Variants in ABCA4 observed in about 807,000 individuals in gnomAD.
ABCA4 encodes retinal-specific phospholipid-transporting ATPase ABCA4.
ABCA4 carries 196 observed loss-of-function variants against 263.7 expected under a neutral mutation model. That is an observed-to-expected ratio of 0.74 (90% CI 0.66 to 0.84). The LOEUF is 0.84. Ranked by LOEUF, ABCA4 falls within the 40% of genes least tolerant of loss-of-function variation. The pLI is 0.00. For synonymous variants in ABCA4, 1,133 were observed against 1,094.2 expected, an observed-to-expected ratio of 1.04 and a Z score of -0.70; for missense variants, 2,792 against 2,855.1, an observed-to-expected ratio of 0.98 and a Z score of 0.50.
rs775951957 is a variant in ABCA4, at chr1:94,047,041, C to A, written c.2796G>T (p.Lys932Asn). The change falls in exon 19 of 50, where the codon AAG becomes AAT. Residue 932 changes from lysine to asparagine, a missense_variant. Physicochemically the swap from Lys to Asn is moderately conservative, Grantham distance 94. Transcript: ENST00000370225. ...HPGWVPGVCV[K>N]NLVKIFEPCG... ...AGGGCTCAAAAATCTTTACCAGATT[C>A]TTCACGCATACCCCAGGAACCCACC... 8 of 1,614,168 alleles carry A rather than the reference C, an allele frequency of 5.0e-6. No homozygotes were observed. The highest frequency in any genetic ancestry group is 2.2e-5 in the East Asian group (1 of 44,880).
chr1:94,056,934 G>A (rs146194404), intron 14 of ABCA4, 112 bp from the exon 15 acceptor site: 85 of 884,840 alleles, frequency 9.6e-5, no homozygotes, highest in Middle Eastern at 3.1e-4. Flanking sequence ...AAATTTCTAC[G>A]CACACTCCAT....
chr1:94,108,533 T>C lies in ABCA4; in HGVS notation c.442+44A>G, dbSNP rs763025521. 6.2e-6 allele frequency: 10 copies of C among 1,610,896 alleles called. No individual in the cohort carries two copies. The Admixed American group carries it at 1.5e-4, about 24-fold the overall frequency. ...CTTTCCTATATCTTCAGTCTCTCCA[T>C]AGGTGAGGGAAATGATGCTTGAGAG... On this transcript the variant is annotated intron_variant, in intron 4 of 49. Transcript: ENST00000370225.
At chr1:94,010,662 G>C (rs770282470) in intron 40 of ABCA4, 138 bp downstream of exon 40, 1 of 1,266,994 alleles carries the variant, frequency 7.9e-7, no homozygotes, top group South Asian at 1.3e-5. Context: ...TGTATTATTG[G>C]AGAAAAGCCA....
chr1:94,086,881 T>A (rs1661846305), intron 6 of ABCA4, among the ~76,000 whole-genome samples: 1 of 152,168 alleles, frequency 6.6e-6, no homozygotes, highest in South Asian at 2.1e-4. Flanking sequence ...ACTGTCTTAG[T>A]TCACTCTGGC....
At chr1:94,027,030 GAGAT>G (rs769747549) in intron 30 of ABCA4, among the ~76,000 whole-genome samples, 222 of 152,194 alleles carry the variant, frequency 1.5e-3, no homozygotes, top group Admixed American at 7.8e-4. Flanking sequence ...TAAAGAGTAA[GAGAT>G]AGATAGAGAC....
chr1:94,076,186 G>A (rs992994874), intron 11 of ABCA4, among the ~76,000 whole-genome samples: 1 of 152,150 alleles, frequency 6.6e-6, no homozygotes, highest in East Asian at 1.9e-4. Context: ...GCTGACCCAG[G>A]CCTCCCAATC....
At chr1:94,030,715 G>A (rs933463878) in intron 28 of ABCA4, among the ~76,000 whole-genome samples, 189 bp from the exon 29 acceptor site, 7 of 152,156 alleles carry the variant, frequency 4.6e-5, no homozygotes, top group African/African-American at 1.7e-4. Context: ...CTGATGGCAT[G>A]TCACCTATGC....
At chr1:94,059,065 A>T (rs1031997676) in intron 14 of ABCA4, among the ~76,000 whole-genome samples, 3 of 152,256 alleles carry the variant, frequency 2.0e-5, no homozygotes, top group Non-Finnish European at 4.4e-5. Context: ...TTTACCTCAC[A>T]TCGTAAAAGC....
intron 21 of ABCA4, 26 bp from the exon 22 acceptor site, chr1:94,042,924 G>C: frequency 6.2e-7 from 1 of 1,614,172 alleles, no homozygotes. Context: ...GGACGGGAGA[G>C]TTAAGGGGCT....
At chr1:94,056,962 T>C (rs1661001486) in intron 14 of ABCA4, 140 bp from the exon 15 acceptor site, 1 of 754,390 alleles carries the variant, frequency 1.3e-6, no homozygotes, top group Non-Finnish European at 2.3e-6. Flanking sequence ...GTTCCTTTAA[T>C]CCTAGGAATG....
At chr1:93,998,557 C>T (rs955156928) in intron 47 of ABCA4, among the ~76,000 whole-genome samples, 1 of 152,032 alleles carries the variant, frequency 6.6e-6, no homozygotes, top group Non-Finnish European at 1.5e-5. Flanking sequence ...AGGCCCATAC[C>T]ATAGACCTGT....
intron 9 of ABCA4, 152 bp downstream of exon 9, chr1:94,079,170 T>C (rs890191603): frequency 8.8e-7 from 1 of 1,138,712 alleles, no homozygotes; most frequent in Non-Finnish European, 1.3e-6. Flanking sequence ...CAGTGATGAC[T>C]GTGGATGGGG....
intron 14 of ABCA4, chr1:94,059,363 G>T (rs768535699): frequency 6.6e-6 from 1 of 152,232 alleles, no homozygotes; most frequent in Non-Finnish European, 1.5e-5. Flanking sequence ...GGTTGTTTGA[G>T]CAGAATGACC....
intron 36 of ABCA4, among the ~76,000 whole-genome samples, chr1:94,016,128 A>T (rs541407339): frequency 3.9e-5 from 6 of 152,282 alleles, no homozygotes; most frequent in African/African-American, 1.2e-4. Flanking sequence ...CACTCTTTCT[A>T]TTTGGTCATA....
intron 17 of ABCA4, 80 bp downstream of exon 17, chr1:94,051,552 AC>A: frequency 7.9e-7 from 1 of 1,259,816 alleles, no homozygotes; most frequent in Non-Finnish European, 1.2e-6. Context: ...ATAGAGGGCC[AC>A]CTCTGTGATC....
intron 11 of ABCA4, among the ~76,000 whole-genome samples, chr1:94,066,256 G>T (rs1173388147): frequency 6.6e-6 from 1 of 152,184 alleles, no homozygotes; most frequent in Non-Finnish European, 1.5e-5. Context: ...ACAGTGTGAT[G>T]CTTGGGCCAG....
chr1:94,021,630 G>A lies in ABCA4; in HGVS notation c.4848+10C>T. On this transcript the variant is annotated intron_variant, in intron 34 of 49. Transcript: ENST00000370225. ...TTAGCTCCAGAGCAGATTATACATA[G>A]GTCAAGTACCTTAATGTTGTCTTCA... The A allele has an allele frequency of 1.2e-6, 2 of 1,607,412 alleles. No individual in the cohort carries two copies. Among genetic ancestry groups the A allele is most frequent in the Non-Finnish European group, 1.7e-6 (2 of 1,175,358 alleles).
At chr1:94,085,321 C>G (rs1462971282) in intron 6 of ABCA4, among the ~76,000 whole-genome samples, 1 of 152,138 alleles carries the variant, frequency 6.6e-6, no homozygotes, top group Non-Finnish European at 1.5e-5. Flanking sequence ...TCCATGGGAG[C>G]TCATTTTATT....
chr1:94,080,312 C>T lies in ABCA4; in HGVS notation c.1099+166G>A, dbSNP rs144085043. Among the ~76,000 whole-genome samples, 514 of 152,290 alleles carry T rather than the reference C, an allele frequency of 3.4e-3. No homozygotes were observed. Among genetic ancestry groups the T allele is most frequent in the African/African-American group, 0.012 (480 of 41,544 alleles). ...CCAGAATTGCTTATAAGCAATGCCC[C>T]CTTTCTGCAAGGGGAAGTGGACTTT... is the stretch of plus-strand genomic sequence containing the variant. On this transcript the variant is annotated intron_variant, in intron 8 of 49. Coordinates refer to ENST00000370225, the MANE Select transcript of ABCA4 (RefSeq NM_000350.3).
Sources: gnomAD v4.1 joint callset for allele counts (sites outside exome capture counted in the v4.1 genomes callset) on GRCh38, gnomAD v4.1.1 for gene constraint, MANE v1.5 for transcripts, NCBI Gene and HGNC (gene_info 2026-07-23, HGNC 2026-07-21) for gene names.